Variants in NAV2 observed in about 807,000 individuals in gnomAD.
NAV2 encodes neuron navigator 2.
Under a neutral mutation model 223.2 loss-of-function variants are expected in NAV2, and 54 were observed. That is an observed-to-expected ratio of 0.24 (90% CI 0.19 to 0.30). The LOEUF is 0.30. NAV2 is among the 10% of genes least tolerant of loss of function. NAV2 has a pLI of 1.00. For missense variants in NAV2, 2,806 were observed against 3,147.5 expected (o/e 0.89, Z 2.60); for synonymous variants, 1,279 against 1,239.3 (o/e 1.03, Z -0.67).
At chr11:19,562,374 G>T (rs1010223849) in intron 1 of NAV2, among the ~76,000 whole-genome samples, 3 of 152,178 alleles carry the variant, frequency 2.0e-5, no homozygotes, top group African/African-American at 4.8e-5. Context: ...AGCCCCTGGG[G>T]CCTCAAGCTT....
intron 3 of NAV2, among the ~76,000 whole-genome samples, chr11:19,858,193 T>G (rs2152998944): frequency 6.6e-6 from 1 of 152,340 alleles, no homozygotes; most frequent in East Asian, 1.9e-4. Flanking sequence ...TTGATGCCTT[T>G]TGGCTACCAT....
At chr11:19,420,030 G>C (rs185168544) in intron 1 of NAV2, among the ~76,000 whole-genome samples, 1 of 152,284 alleles carries the variant, frequency 6.6e-6, no homozygotes, top group East Asian at 1.9e-4. Context: ...AAGCAGTAAG[G>C]TGAGGTCCTC....
chr11:19,739,017 C>T (rs1319910163), intron 1 of NAV2, among the ~76,000 whole-genome samples: 2 of 151,970 alleles, frequency 1.3e-5, no homozygotes, highest in African/African-American at 4.8e-5. Context: ...GCCATCACTA[C>T]AAAAAATACA....
intron 1 of NAV2, among the ~76,000 whole-genome samples, chr11:19,807,266 A>T (rs1269908157): frequency 6.6e-6 from 1 of 152,224 alleles, no homozygotes; most frequent in South Asian, 2.1e-4. Flanking sequence ...CAAAGCTCCA[A>T]ACTGGAATTC....
intron 17 of NAV2, among the ~76,000 whole-genome samples, chr11:20,053,498 G>A (rs773925780): frequency 7.2e-5 from 11 of 152,190 alleles, no homozygotes; most frequent in Non-Finnish European, 1.5e-4. Flanking sequence ...ATGAGGTGGT[G>A]GACCACATAA....
intron 1 of NAV2, among the ~76,000 whole-genome samples, chr11:19,673,827 T>C (rs2048638122): frequency 1.3e-5 from 2 of 152,286 alleles, no homozygotes; most frequent in South Asian, 4.2e-4. Flanking sequence ...GGTCCCAGGA[T>C]CCTTTCAGGC....
intron 6 of NAV2, among the ~76,000 whole-genome samples, chr11:19,912,090 CA>C (rs2043361536): frequency 1.3e-5 from 2 of 152,194 alleles, no homozygotes; most frequent in African/African-American, 4.8e-5. Context: ...TTGGTGCTTA[CA>C]TTCTAATTTT....
intron 34 of NAV2, 184 bp from the exon 35 acceptor site, chr11:20,105,347 G>A (rs565669126): frequency 1.9e-6 from 1 of 524,470 alleles, no homozygotes; most frequent in African/African-American, 1.9e-5. Context: ...ATGTTAGAGG[G>A]TTGGTATCAG....
At chr11:19,935,338 C>T (rs944295987) in intron 7 of NAV2, among the ~76,000 whole-genome samples, 2 of 152,246 alleles carry the variant, frequency 1.3e-5, no homozygotes, top group African/African-American at 2.4e-5. Context: ...CACAGCTGTA[C>T]ACTCACACTC....
chr11:19,529,470 AGTTGAGACCC>A (rs1291293836), intron 1 of NAV2, among the ~76,000 whole-genome samples: 1 of 152,230 alleles, frequency 6.6e-6, no homozygotes, highest in African/African-American at 2.4e-5. Context: ...TTACAGTGTC[AGTTGAGACCC>A]GCCCCACCCC....
chr11:19,517,193 G>T (rs2043485798), intron 1 of NAV2, among the ~76,000 whole-genome samples: 1 of 152,178 alleles, frequency 6.6e-6, no homozygotes, highest in Non-Finnish European at 1.5e-5. Flanking sequence ...CCTGTTACAT[G>T]ATCCCTTTAG....
At chr11:19,505,927 G>T (rs1407986987) in intron 1 of NAV2, 2 of 152,206 alleles carry the variant, frequency 1.3e-5, no homozygotes, top group Non-Finnish European at 2.9e-5. Context: ...TAAGTGGTGT[G>T]TTTCCTTGAT....
chr11:19,622,146 T>C (rs1038418960), intron 1 of NAV2, among the ~76,000 whole-genome samples: 1 of 152,242 alleles, frequency 6.6e-6, no homozygotes, highest in Non-Finnish European at 1.5e-5. Flanking sequence ...TCTGTTCTTT[T>C]ACATTTGCTG....
intron 1 of NAV2, among the ~76,000 whole-genome samples, chr11:19,550,678 G>A (rs2044662312): frequency 6.6e-6 from 1 of 152,206 alleles, no homozygotes; most frequent in South Asian, 2.1e-4. Flanking sequence ...GGCTTCCTAC[G>A]TGGGCCCTGT....
intron 1 of NAV2, among the ~76,000 whole-genome samples, chr11:19,351,786 G>T (rs2133703531): frequency 9.4e-6 from 1 of 106,582 alleles, no homozygotes; most frequent in Non-Finnish European, 1.7e-5. Context: ...CATTTCCTTT[G>T]AAATGTTGTG....
intron 8 of NAV2, 89 bp from the exon 9 acceptor site, chr11:19,946,312 T>A: frequency 8.7e-7 from 1 of 1,152,902 alleles, no homozygotes; most frequent in Non-Finnish European, 1.2e-6. Flanking sequence ...GAGCATGGAA[T>A]ATGGTTATGG....
At chr11:20,071,877 T>C (rs967356259) in intron 22 of NAV2, among the ~76,000 whole-genome samples, 3 of 152,224 alleles carry the variant, frequency 2.0e-5, no homozygotes, top group Middle Eastern at 3.2e-3. Context: ...GCAAAAATTT[T>C]CTTCAATGTT....
intron 1 of NAV2, among the ~76,000 whole-genome samples, chr11:19,757,034 C>T (rs1316052375): frequency 8.3e-6 from 1 of 120,344 alleles, no homozygotes; most frequent in Non-Finnish European, 1.9e-5. Flanking sequence ...GGCTGATCCA[C>T]GGGGAAGACC....
chr11:19,540,037 C>T lies in NAV2; in HGVS notation c.75+189010C>T, dbSNP rs562284494. Among the ~76,000 whole-genome samples the T allele has an allele frequency of 8.5e-5, 13 of 152,308 alleles. No homozygotes were observed. In the South Asian group the frequency reaches 2.7e-3, roughly 32 times the overall value. On this transcript the variant is annotated intron_variant, in intron 1 of 37. Transcript: ENST00000360655. ...GAGACAATAGGCTGACTGAGAGGGA[C>T]AATTGTTCCCAGCAACTGAGGGGGT...
Sources: gnomAD v4.1 joint callset for allele counts (sites outside exome capture counted in the v4.1 genomes callset) on GRCh38, gnomAD v4.1.1 for gene constraint, MANE v1.5 for transcripts, NCBI Gene and HGNC (gene_info 2026-07-23, HGNC 2026-07-21) for gene names.